SIPA1L3: variants seen among roughly 807,000 people sequenced by gnomAD.
SIPA1L3 encodes the protein signal-induced proliferation-associated 1-like protein 3.
SIPA1L3 carries 59 observed loss-of-function variants against 150.1 expected under a neutral mutation model. The ratio of observed to expected loss-of-function variants is 0.39; its 90% CI spans 0.32 to 0.49. SIPA1L3 has a LOEUF of 0.49. Among genes scored for constraint, SIPA1L3 ranks in the 20% least tolerant of loss-of-function variants. The probability of loss-of-function intolerance (pLI) is 0.86; values close to 1 mark genes in which losing one functional copy is unlikely to be tolerated. For synonymous variants in SIPA1L3, 1,070 were observed against 1,077.6 expected, an observed-to-expected ratio of 0.99 and a Z score of 0.14; for missense variants, 2,211 against 2,489.5, an observed-to-expected ratio of 0.89 and a Z score of 2.38.
intron 2 of SIPA1L3, among the ~76,000 whole-genome samples, chr19:38,059,636 A>G (rs1969405549): frequency 6.6e-6 from 1 of 152,210 alleles, no homozygotes; most frequent in Admixed American, 6.5e-5. Flanking sequence ...TGTGAAATGG[A>G]ACATACATAC....
chr19:37,908,002 T>C (rs537306883), intron 1 of SIPA1L3: 23 of 152,352 alleles, frequency 1.5e-4, no homozygotes, highest in African/African-American at 4.1e-4. Context: ...TGTGCCTTGG[T>C]TTCCCTATCT....
chr19:37,984,168 A>G (rs1311729015), intron 1 of SIPA1L3, among the ~76,000 whole-genome samples: 2 of 152,154 alleles, frequency 1.3e-5, no homozygotes, highest in Non-Finnish European at 2.9e-5. Flanking sequence ...CGGGGCAGCG[A>G]GGCGGTTAAG....
chr19:37,916,167 C>G (rs767442035), intron 1 of SIPA1L3, among the ~76,000 whole-genome samples: 1 of 151,974 alleles, frequency 6.6e-6, no homozygotes, highest in Non-Finnish European at 1.5e-5. Context: ...GCTGGGATTA[C>G]AGGCGCCCAC....
chr19:37,914,289 C>G (rs554421725), intron 1 of SIPA1L3, among the ~76,000 whole-genome samples: 1 of 151,878 alleles, frequency 6.6e-6, no homozygotes, highest in South Asian at 2.1e-4. Context: ...TGTTAAGGCC[C>G]GGAGGTGGGA....
chr19:38,013,001 AG>A (rs1428192525), intron 1 of SIPA1L3, among the ~76,000 whole-genome samples: 1 of 152,170 alleles, frequency 6.6e-6, no homozygotes, highest in East Asian at 1.9e-4. Context: ...CCAGTGCTGC[AG>A]GCCTCCTTTA....
chr19:38,057,323 T>TACAC (rs764029498), intron 2 of SIPA1L3, among the ~76,000 whole-genome samples: 1 of 149,724 alleles, frequency 6.7e-6, no homozygotes, highest in South Asian at 2.1e-4. Context: ...TATACATATA[T>TACAC]ACACACACAC....
intron 1 of SIPA1L3, among the ~76,000 whole-genome samples, chr19:37,954,171 T>G (rs568621066): frequency 1.9e-4 from 29 of 152,300 alleles, no homozygotes; most frequent in Non-Finnish European, 3.2e-4. Context: ...TTTTTCTTGG[T>G]GGATCTAGAA....
At chr19:38,039,171 C>G (rs891318178) in intron 2 of SIPA1L3, among the ~76,000 whole-genome samples, 1 of 152,196 alleles carries the variant, frequency 6.6e-6, no homozygotes. Context: ...GCATGAGCCA[C>G]CTTGCCTAGC....
chr19:38,186,469 T>C (rs1972680103), intron 16 of SIPA1L3, among the ~76,000 whole-genome samples: 1 of 145,406 alleles, frequency 6.9e-6, no homozygotes, highest in Non-Finnish European at 1.5e-5. Flanking sequence ...CATACCACCA[T>C]GTCTGGCTAA....
At chr19:38,188,849 G>A (rs1039677224) in intron 16 of SIPA1L3, among the ~76,000 whole-genome samples, 11 of 151,726 alleles carry the variant, frequency 7.2e-5, no homozygotes, top group African/African-American at 2.4e-4. Flanking sequence ...CGTGAACCTC[G>A]GAGGCGGAGC....
At chr19:38,003,243 G>GCTC (rs1383024941) in intron 1 of SIPA1L3, among the ~76,000 whole-genome samples, 1 of 152,216 alleles carries the variant, frequency 6.6e-6, no homozygotes, top group African/African-American at 2.4e-5. Flanking sequence ...GGCAGGCACA[G>GCTC]CTCCTCCCTG....
In SIPA1L3 at chr19:38,164,507, G is replaced by A; in HGVS notation, c.3809G>A (p.Ser1270Asn). Residue 1270 changes from serine (S) to asparagine (N), a missense_variant, in exon 15 of 22, where the codon AGC becomes AAC. By Grantham distance (46) the Ser-to-Asn change is conservative. This residue lies in a region of SIPA1L3 where 806 missense variants were observed against 870.1 expected (regional missense o/e 0.93). Transcript: ENST00000222345. This position sits in a 1 kb window ranked among gnomAD's most constrained non-coding sequence, Gnocchi z 4.1. ...KGEPQYSSHS[S>N]SNTLSSNASS... Reference sequence around the variant, plus strand: ...GAACCTCAATACTCAAGTCATTCCAGCAGCAACACCCTCTCCAGCAACGCA... The same window carrying A: ...GAACCTCAATACTCAAGTCATTCCAACAGCAACACCCTCTCCAGCAACGCA... 6.2e-7 allele frequency: 1 copy of A among 1,612,552 alleles called. No homozygotes were observed. Among genetic ancestry groups the A allele is most frequent in the Non-Finnish European group, 8.5e-7 (1 of 1,178,846 alleles).
chr19:38,000,933 A>G, intron 1 of SIPA1L3, among the ~76,000 whole-genome samples: 1 of 128,276 alleles, frequency 7.8e-6, no homozygotes, highest in Admixed American at 8.0e-5. Context: ...CATATATATA[A>G]CATATATAAC....
chr19:38,103,868 CT>C (rs984675340), intron 6 of SIPA1L3, among the ~76,000 whole-genome samples: 4 of 140,866 alleles, frequency 2.8e-5, no homozygotes, highest in Non-Finnish European at 6.0e-5. Flanking sequence ...CACCACCGCA[CT>C]CCAGCCTGGG....
intron 18 of SIPA1L3, among the ~76,000 whole-genome samples, chr19:38,195,207 T>C (rs981531863): frequency 2.0e-5 from 3 of 152,206 alleles, no homozygotes; most frequent in African/African-American, 7.2e-5. Context: ...CAGGGCATCC[T>C]GCACGGCTGT....
intron 1 of SIPA1L3, among the ~76,000 whole-genome samples, chr19:37,933,548 G>A (rs188053080): frequency 2.0e-5 from 3 of 152,276 alleles, no homozygotes; most frequent in South Asian, 2.1e-4. Context: ...TGGTAGATGC[G>A]GGCTAAATTG....
At chr19:38,146,766 G>A (rs965506838) in intron 12 of SIPA1L3, among the ~76,000 whole-genome samples, 2 of 152,220 alleles carry the variant, frequency 1.3e-5, no homozygotes, top group East Asian at 1.9e-4. Context: ...TGATAGGTGT[G>A]CAGTGATATC....
intron 15 of SIPA1L3, among the ~76,000 whole-genome samples, chr19:38,173,262 CT>C (rs1267470438): frequency 6.6e-6 from 1 of 152,228 alleles, no homozygotes; most frequent in Non-Finnish European, 1.5e-5. Context: ...GGGGAGCCCC[CT>C]ACCCTCCCTT....
intron 9 of SIPA1L3, among the ~76,000 whole-genome samples, chr19:38,123,271 T>G (rs56174948): frequency 0.39 from 56,578 of 146,172 alleles, 11,138 homozygotes; most frequent in East Asian, 0.61. Flanking sequence ...TTTGTTTTTT[T>G]TGTTTTTTTT....
Sources: allele counts gnomAD v4.1 joint callset (sites outside exome capture counted in the v4.1 genomes callset), GRCh38; gene constraint gnomAD v4.1.1; regional missense constraint gnomAD v4.1.1; non-coding constraint Gnocchi (gnomAD v3.1); transcripts MANE v1.5; gene names NCBI Gene and HGNC (gene_info 2026-07-23, HGNC 2026-07-21).